The following PRH1 variants were observed in gnomAD, a reference collection of about 807,000 sequenced individuals.
PRH1 encodes salivary acidic proline-rich phosphoprotein 1/2.
A neutral mutation model predicts 7.9 loss-of-function variants in PRH1; 7 were observed. That is an observed-to-expected ratio of 0.89 (90% CI 0.50 to 1.67). The LOEUF (loss-of-function observed/expected upper bound fraction) is 1.67. Ranked by LOEUF, PRH1 falls within the 40% of genes most tolerant of loss-of-function variation. PRH1 has a pLI of 0.00. For missense variants in PRH1, 109 were observed against 223.6 expected (o/e 0.49, Z 3.27); for synonymous variants, 45 against 80.8 (o/e 0.56, Z 2.38).
At chr12:10,986,006 CT>C (rs774910227) in intron 1 of PRH1, 3 of 1,613,772 alleles carry the variant, frequency 1.9e-6, no homozygotes, top group Non-Finnish European at 2.5e-6. Context: ...TGTGTTTTAG[CT>C]TCTTGGTTCT....
chr12:10,889,424 C>A (rs1949539614), intron 2 of PRH1, among the ~76,000 whole-genome samples: 1 of 152,002 alleles, frequency 6.6e-6, no homozygotes, highest in South Asian at 2.1e-4. Flanking sequence ...ATGTCATTTC[C>A]TTCTTTCTGC....
chr12:11,064,507 T>A (rs1191930284), intron 1 of PRH1, among the ~76,000 whole-genome samples: 4 of 152,116 alleles, frequency 2.6e-5, no homozygotes, highest in African/African-American at 9.7e-5. Context: ...TTCCTCTGTA[T>A]ATATACCTTT....
chr12:10,881,900 TG>T (rs1175625857), intron 3 of PRH1, among the ~76,000 whole-genome samples: 1 of 152,122 alleles, frequency 6.6e-6, no homozygotes, highest in Admixed American at 6.5e-5. Context: ...AAACTTTAAA[TG>T]GGAGTCTGAG....
intron 1 of PRH1, among the ~76,000 whole-genome samples, chr12:11,096,427 T>A: frequency 8.6e-6 from 1 of 116,260 alleles, no homozygotes; most frequent in East Asian, 2.1e-4. Flanking sequence ...AATCGTTTTC[T>A]AACGGAGAAA....
chr12:11,085,996 A>G (rs369310641), intron 1 of PRH1, among the ~76,000 whole-genome samples: 2 of 128,270 alleles, frequency 1.6e-5, no homozygotes, highest in Non-Finnish European at 3.6e-5. Context: ...AAAGCATCCA[A>G]GGTTTTCTTT....
chr12:11,120,572 T>A (rs2136323061), downstream of PRH1, among the ~76,000 whole-genome samples: 1 of 152,306 alleles, frequency 6.6e-6, no homozygotes, highest in South Asian at 2.1e-4. Context: ...ACTCACTCCT[T>A]GCTATTTCCT....
intron 1 of PRH1, among the ~76,000 whole-genome samples, chr12:11,152,104 T>C (rs1374187184): frequency 6.6e-6 from 1 of 151,938 alleles, no homozygotes; most frequent in Non-Finnish European, 1.5e-5. Context: ...TATTATACTT[T>C]AAGTTTTAGG....
intron 2 of PRH1, among the ~76,000 whole-genome samples, chr12:10,946,109 C>T (rs1225326176): frequency 6.6e-6 from 1 of 152,160 alleles, no homozygotes; most frequent in African/African-American, 2.4e-5. Flanking sequence ...ACATCCTCCT[C>T]AGCTTATGAA....
chr12:11,100,270 A>C (rs1225506961), intron 1 of PRH1, among the ~76,000 whole-genome samples: 1 of 152,204 alleles, frequency 6.6e-6, no homozygotes, highest in Non-Finnish European at 1.5e-5. Context: ...GTCCATCTCC[A>C]TGCCACCCTC....
intron 1 of PRH1, among the ~76,000 whole-genome samples, chr12:11,067,419 T>C (rs958101493): frequency 2.7e-5 from 4 of 146,080 alleles, no homozygotes; most frequent in Non-Finnish European, 6.1e-5. Flanking sequence ...CTTTGACATG[T>C]GTATTATAAA....
At chr12:11,062,013 G>A (rs754147922) in intron 1 of PRH1, 68 of 1,613,800 alleles carry the variant, frequency 4.2e-5, no homozygotes, top group Admixed American at 4.2e-4. Context: ...GCCAGTTGCT[G>A]AAATGGTTGA....
chr12:11,086,612 C>G (rs1415646100), intron 1 of PRH1, among the ~76,000 whole-genome samples: 1 of 151,078 alleles, frequency 6.6e-6, no homozygotes, highest in Non-Finnish European at 1.5e-5. Flanking sequence ...AGTATAATTA[C>G]CTATAAAAAG....
Position 10,882,925 on chromosome 12 carries a change from A to C in PRH1, c.100+136T>G, listed in dbSNP as rs961541107. On this transcript the variant is annotated intron_variant, in intron 2 of 3. Transcript: ENST00000543626. ...GGTCCCCAGAATCAAGGTTGGGAGA[A>C]AACTGTTTGTATCTTTGGGGCATTG... 2.8e-6 allele frequency: 4 copies of C among 1,440,942 alleles called. No homozygotes were observed. The African/African-American group carries it at 5.7e-5, about 20-fold the overall frequency. 89.3% of individuals were successfully genotyped at this position (1,440,942 alleles called of 1,614,324 possible).
chr12:10,983,371 T>A (rs1367733169), intron 1 of PRH1, among the ~76,000 whole-genome samples: 2 of 152,188 alleles, frequency 1.3e-5, no homozygotes, highest in African/African-American at 4.8e-5. Flanking sequence ...CATGAGCCAA[T>A]CTGAGTTGCA....
intron 1 of PRH1, among the ~76,000 whole-genome samples, chr12:11,124,296 G>A (rs1484072733): frequency 6.6e-6 from 1 of 152,264 alleles, no homozygotes; most frequent in Non-Finnish European, 1.5e-5. Context: ...TAGAAATGGG[G>A]CTCTGTGCCT....
intron 2 of PRH1, among the ~76,000 whole-genome samples, chr12:10,951,685 C>T (rs1378068546): frequency 1.3e-5 from 2 of 152,074 alleles, no homozygotes; most frequent in South Asian, 4.1e-4. Flanking sequence ...ATTTGATATA[C>T]AAATATGAAT....
At chr12:11,120,612 C>T (rs1190825858), downstream of PRH1, among the ~76,000 whole-genome samples, 2 of 152,018 alleles carry the variant, frequency 1.3e-5, no homozygotes, top group Admixed American at 1.3e-4. Flanking sequence ...TTTTCAGTAT[C>T]GGCCTATTTT....
intron 1 of PRH1, among the ~76,000 whole-genome samples, chr12:11,083,372 T>A (rs1200089599): frequency 3.9e-5 from 4 of 103,646 alleles, no homozygotes; most frequent in African/African-American, 8.7e-5. Flanking sequence ...TTTAAAATTT[T>A]TCTTGGATTT....
intron 2 of PRH1, among the ~76,000 whole-genome samples, chr12:10,968,875 G>A (rs1437815907): frequency 1.3e-5 from 2 of 152,212 alleles, no homozygotes; most frequent in East Asian, 3.9e-4. Flanking sequence ...TGCTCTTTTA[G>A]CTCTGCTATC....
Sources: gnomAD v4.1 joint callset for allele counts (sites outside exome capture counted in the v4.1 genomes callset) on GRCh38, gnomAD v4.1.1 for gene constraint, MANE v1.5 for transcripts, NCBI Gene and HGNC (gene_info 2026-07-23, HGNC 2026-07-21) for gene names.